The following HORMAD2 variants were observed in gnomAD, a reference collection of about 807,000 sequenced individuals.
The protein encoded by HORMAD2 is HORMA domain-containing protein 2.
Under a neutral mutation model 38.8 loss-of-function variants are expected in HORMAD2, and 45 were observed. The observed-to-expected ratio is 1.16, with a 90% CI of 0.91 to 1.49. HORMAD2 has a LOEUF of 1.49. Among genes scored for constraint, HORMAD2 ranks in the 40% most tolerant of loss-of-function variants. HORMAD2 has a pLI of 0.00. For missense variants in HORMAD2, 338 were observed against 367.0 expected, an observed-to-expected ratio of 0.92 and a Z score of 0.65; for synonymous variants, 126 against 122.8, an observed-to-expected ratio of 1.03 and a Z score of -0.17.
At chr22:30,158,824 A>G (rs1036739691) in intron 10 of HORMAD2, among the ~76,000 whole-genome samples, 2 of 151,544 alleles carry the variant, frequency 1.3e-5, no homozygotes, top group African/African-American at 2.4e-5. Context: ...AGCTGGAACC[A>G]CAAGCGCACG....
intron 8 of HORMAD2, among the ~76,000 whole-genome samples, chr22:30,120,433 A>G (rs886807082): frequency 2.6e-5 from 4 of 152,210 alleles, no homozygotes; most frequent in Non-Finnish European, 4.4e-5. Context: ...TCAGTTAGGG[A>G]AAAATCCAAC....
intron 1 of HORMAD2, among the ~76,000 whole-genome samples, chr22:30,085,889 C>A (rs1260889882): frequency 6.6e-6 from 1 of 152,212 alleles, no homozygotes; most frequent in East Asian, 1.9e-4. Flanking sequence ...GTATATATTG[C>A]AAAGGGCACA....
At chr22:30,163,968 A>G (rs1015859707) in intron 10 of HORMAD2, among the ~76,000 whole-genome samples, 1 of 152,030 alleles carries the variant, frequency 6.6e-6, no homozygotes, top group African/African-American at 2.4e-5. Context: ...CTCTCCCCAT[A>G]GTCCCTGGCA....
At chr22:30,130,712 A>G (rs950088817) in intron 10 of HORMAD2, among the ~76,000 whole-genome samples, 4 of 146,058 alleles carry the variant, frequency 2.7e-5, no homozygotes, top group African/African-American at 1.0e-4. Flanking sequence ...TACCTCAGCC[A>G]CCCGAGTAAC....
intron 10 of HORMAD2, among the ~76,000 whole-genome samples, chr22:30,135,454 A>G (rs1478979044): frequency 1.3e-5 from 2 of 151,988 alleles, no homozygotes; most frequent in Non-Finnish European, 2.9e-5. Context: ...AGACTGGAGT[A>G]TGGGGAATCT....
Position 30,104,427 on chromosome 22 carries a change from A to G in HORMAD2, c.284A>G (p.Glu95Gly). ...RWIQGCFDAL[E>G]KRYLRMAVLT... is the part of the protein sequence containing the mutation. Reference sequence around the variant, plus strand: ...ATTCAAGGTTGTTTTGATGCTTTGGAAAAGAGATACGTAAGAATGTTTTTA... The same window carrying G: ...ATTCAAGGTTGTTTTGATGCTTTGGGAAAGAGATACGTAAGAATGTTTTTA... Residue 95 changes from glutamate to glycine, a missense_variant, in exon 5 of 11, where the codon GAA (glutamate) becomes GGA (glycine). Coordinates refer to ENST00000336726, the MANE Select transcript of HORMAD2 (RefSeq NM_152510.4). 1 of 1,609,772 alleles carries G rather than the reference A, an allele frequency of 6.2e-7. No homozygotes were observed. Among genetic ancestry groups the G allele is most frequent in the Non-Finnish European group, 8.5e-7 (1 of 1,177,190 alleles).
the HORMAD2 span, among the ~76,000 whole-genome samples, chr22:30,183,474 C>G: frequency 1.3e-5 from 2 of 152,216 alleles, no homozygotes; most frequent in Non-Finnish European, 1.5e-5. Context: ...ATCACAATAC[C>G]AGTCAACATC....
chr22:30,115,339 C>T (rs2095289365), intron 7 of HORMAD2, among the ~76,000 whole-genome samples: 1 of 152,090 alleles, frequency 6.6e-6, no homozygotes, highest in African/African-American at 2.4e-5. Flanking sequence ...CCCGGCTGGT[C>T]TCAAAGGATC....
intron 10 of HORMAD2, among the ~76,000 whole-genome samples, chr22:30,146,487 C>T (rs1924427147): frequency 6.6e-6 from 1 of 152,012 alleles, no homozygotes; most frequent in Non-Finnish European, 1.5e-5. Flanking sequence ...GAGCAAGACT[C>T]TGTCTCAAAA....
At chr22:30,164,544 T>C (rs1029848786) in intron 10 of HORMAD2, among the ~76,000 whole-genome samples, 28 of 152,252 alleles carry the variant, frequency 1.8e-4, no homozygotes, top group Non-Finnish European at 1.5e-4. Flanking sequence ...GCATCTCTGA[T>C]GATAGTGATA....
At chr22:30,170,071 G>A (rs1164451624) in intron 10 of HORMAD2, among the ~76,000 whole-genome samples, 1 of 152,140 alleles carries the variant, frequency 6.6e-6, no homozygotes, top group Admixed American at 6.6e-5. Flanking sequence ...ACTAACATCA[G>A]TGGTATAACT....
chr22:30,078,001 C>T (rs943675608), upstream of HORMAD2, among the ~76,000 whole-genome samples: 56 of 152,150 alleles, frequency 3.7e-4, no homozygotes, highest in Admixed American at 3.6e-3. Flanking sequence ...GTTAAGCCAG[C>T]GGTAAAGATG....
chr22:30,195,513 T>C, the HORMAD2 span, among the ~76,000 whole-genome samples: 15 of 152,306 alleles, frequency 9.8e-5, no homozygotes, highest in East Asian at 2.9e-3. Context: ...GACTGAGGTC[T>C]CCCAACCCTC....
chr22:30,089,168 C>T lies in HORMAD2; in HGVS notation c.-37-4748C>T, dbSNP rs533345154. On this transcript the variant is annotated intron_variant, in intron 1 of 10. Coordinates refer to ENST00000336726, the MANE Select transcript of HORMAD2 (RefSeq NM_152510.4). ...ATTCTGCCCTCTTGGGAAAAATCTT[C>T]AAGAATCTTGCATTAATGGATACAC... Among the ~76,000 whole-genome samples, 6 of 152,244 alleles carry T rather than the reference C, an allele frequency of 3.9e-5. 1 individual carries two copies. In the South Asian group the frequency reaches 1.2e-3, roughly 32 times the overall value.
intron 10 of HORMAD2, among the ~76,000 whole-genome samples, chr22:30,158,809 C>G (rs1201404822): frequency 6.6e-6 from 1 of 151,650 alleles, no homozygotes; most frequent in Non-Finnish European, 1.5e-5. Flanking sequence ...CCCAGGCTTC[C>G]AAGGAGCTGG....
chr22:30,121,888 C>A, intron 9 of HORMAD2, 76 bp from the exon 10 acceptor site: 1 of 1,548,432 alleles, frequency 6.5e-7, no homozygotes. Context: ...AAGTCTGTTG[C>A]TACACATGAA....
intron 1 of HORMAD2, among the ~76,000 whole-genome samples, chr22:30,092,763 G>A (rs1275816051): frequency 1.3e-5 from 2 of 152,068 alleles, no homozygotes; most frequent in Non-Finnish European, 2.9e-5. Context: ...CCCAATGTAT[G>A]TTCTTGGTGA....
At chr22:30,206,480 G>A in the HORMAD2 span, among the ~76,000 whole-genome samples, 3 of 151,884 alleles carry the variant, frequency 2.0e-5, no homozygotes, top group African/African-American at 4.8e-5. Context: ...TGTTTTGTTT[G>A]TTTGTTTTGT....
At chr22:30,171,468 TC>T (rs1438372254) in intron 10 of HORMAD2, among the ~76,000 whole-genome samples, 1 of 152,114 alleles carries the variant, frequency 6.6e-6, no homozygotes, top group African/African-American at 2.4e-5. Context: ...CAATTGGCCA[TC>T]CTCCTGACTC....
Sources: allele counts gnomAD v4.1 joint callset (sites outside exome capture counted in the v4.1 genomes callset), GRCh38; gene constraint gnomAD v4.1.1; transcripts MANE v1.5; gene names NCBI Gene and HGNC (gene_info 2026-07-23, HGNC 2026-07-21).